The following FXYD5 variants were observed in gnomAD, a reference collection of about 807,000 sequenced individuals.
FXYD5 encodes the protein FXYD domain containing ion transport regulator 5.
A neutral mutation model predicts 25.7 loss-of-function variants in FXYD5; 21 were observed. The ratio of observed to expected loss-of-function variants is 0.82; its 90% confidence interval spans 0.58 to 1.18. FXYD5 has a LOEUF of 1.18. Ranked by LOEUF, FXYD5 falls within the 50% of genes most tolerant of loss-of-function variation. FXYD5 has a pLI of 0.00. For missense variants in FXYD5, 229 were observed against 227.7 expected (o/e 1.01, Z -0.04); for synonymous variants, 101 against 90.7 (o/e 1.11, Z -0.64).
Position 35,166,301 on chromosome 19 carries a change from A to G in FXYD5, c.463A>G (p.Ile155Val). Residue 155 changes from isoleucine to valine, a missense_variant, in exon 8 of 9, where the codon ATC becomes GTC. Transcript: ENST00000392219. The part of the protein sequence containing the change: ...RGLLVAAVLF[I>V]TGIIILTSGK... The stretch of plus-strand genomic sequence containing the variant: ...GCTGTTGGTCGCAGCTGTGCTGTTC[A>G]TCACAGGCATCATCATCCTCACCAG... 1 of 1,594,084 alleles carries G rather than the reference A, an allele frequency of 6.3e-7. No individual in the cohort carries two copies. The highest frequency in any genetic ancestry group is 1.1e-5 in the South Asian group (1 of 87,950).
chr19:35,156,515 G>C (rs2065356963), intron 2 of FXYD5, among the ~76,000 whole-genome samples: 2 of 152,114 alleles, frequency 1.3e-5, no homozygotes, highest in African/African-American at 2.4e-5. Flanking sequence ...GTTTAAACTG[G>C]GTGGTCAGGG....
intron 5 of FXYD5, among the ~76,000 whole-genome samples, chr19:35,162,296 G>T (rs2065413373): frequency 6.6e-6 from 1 of 152,210 alleles, no homozygotes; most frequent in African/African-American, 2.4e-5. Context: ...ACCTAGGAAG[G>T]AAATGGCTCA....
rs1345001093 is a variant in FXYD5, at chr19:35,160,732, A to T, written c.223A>T (p.Thr75Ser). ...AGAAACACCACAACCCCAGACCCAG[A>T]CCCAGCAACTGGAAGGAACGGATGG... ...ADETPQPQTQ[T>S]QQLEGTDGPL... The change falls in exon 5 of 9, where the codon ACC (threonine) becomes TCC (serine). Residue 75 changes from threonine to serine, a missense_variant. Transcript: ENST00000392219. 2.5e-6 allele frequency: 4 copies of T among 1,613,406 alleles called. No homozygotes were observed. The highest frequency in any genetic ancestry group is 3.4e-6 in the Non-Finnish European group (4 of 1,179,588).
rs1485928471 is a variant in FXYD5 at position 35,164,137 on chromosome 19, G to T, written c.293-19G>T. On this transcript the variant is annotated intron_variant, in intron 5 of 8. Transcript: ENST00000392219. Reference sequence around the variant, plus strand: ...CCATGGCTCACTCCTGCCCTCCACTGATCTGGCCACTCTCTCAGCTCATCC... The same window carrying T: ...CCATGGCTCACTCCTGCCCTCCACTTATCTGGCCACTCTCTCAGCTCATCC... 7 of 1,613,126 alleles carry T rather than the reference G, an allele frequency of 4.3e-6. No individual in the cohort carries two copies. Among genetic ancestry groups the T allele is most frequent in the Non-Finnish European group, 5.9e-6 (7 of 1,179,832 alleles).
intron 8 of FXYD5, among the ~76,000 whole-genome samples, chr19:35,168,476 T>C (rs12978479): frequency 0.15 from 22,673 of 152,164 alleles, 1,876 homozygotes; most frequent in East Asian, 0.28. Flanking sequence ...AGGAATGAGC[T>C]GCGCCCATTG....
intron 4 of FXYD5, 65 bp downstream of exon 4, chr19:35,158,465 T>C (rs2065377252): frequency 4.2e-6 from 4 of 960,662 alleles, no homozygotes; most frequent in Non-Finnish European, 6.8e-6. Flanking sequence ...CCTCTTCCTC[T>C]GACACTATAG....
At chr19:35,164,788 A>G (rs750254702) in intron 6 of FXYD5, among the ~76,000 whole-genome samples, 1 of 152,244 alleles carries the variant, frequency 6.6e-6, no homozygotes, top group Admixed American at 6.5e-5. Context: ...ACAGAGATAG[A>G]GTGGTGAACA....
rs554959528 is a variant in FXYD5, at chr19:35,168,564, G to A, written c.488-1002G>A. Among the ~76,000 whole-genome samples the A allele has an allele frequency of 5.3e-5, 8 of 152,264 alleles. No homozygotes were observed. The East Asian group carries it at 1.5e-3, about 29-fold the overall frequency. ...GAGAAGACGAGGCCAGAGAGCTGAG[G>A]GGCTGGAGGAGGCAAGGGTGGCAGG... On this transcript the variant is annotated intron_variant, in intron 8 of 8. Transcript: ENST00000392219.
chr19:35,158,075 G>A (rs1273095514), intron 3 of FXYD5, among the ~76,000 whole-genome samples: 1 of 152,158 alleles, frequency 6.6e-6, no homozygotes, highest in African/African-American at 2.4e-5. Context: ...TTTTTAGGCA[G>A]CACTTCTCAG....
intron 5 of FXYD5, among the ~76,000 whole-genome samples, chr19:35,161,887 C>G (rs2065409574): frequency 6.6e-6 from 1 of 152,200 alleles, no homozygotes; most frequent in African/African-American, 2.4e-5. Context: ...CAATGCCATT[C>G]CCTTTGTCGG....
At chr19:35,155,696 CGT>C (rs139141606) in intron 2 of FXYD5, 85 bp downstream of exon 2, 22,949 of 983,674 alleles carry the variant, frequency 0.023, 403 homozygotes, top group Middle Eastern at 0.042. Flanking sequence ...GTGGTTGGCC[CGT>C]GTGAACGTTG....
intron 6 of FXYD5, among the ~76,000 whole-genome samples, chr19:35,165,417 A>G (rs2065442035): frequency 6.6e-6 from 1 of 152,044 alleles, no homozygotes; most frequent in East Asian, 1.9e-4. Context: ...TGAAACTGTC[A>G]TGGTGCTGGT....
rs370793316 is a variant in FXYD5 at position 35,161,441 on chromosome 19, T to C, written c.292+640T>C. On this transcript the variant is annotated intron_variant, in intron 5 of 8. Coordinates refer to ENST00000392219, the MANE Select transcript of FXYD5 (RefSeq NM_014164.6). ...TAGTTCTAACTTTAGGTCACATACG[T>C]GGTGGCTAGAGAACAAAATCTTTCC... is the stretch of plus-strand genomic sequence containing the variant. 3.3e-5 allele frequency among the ~76,000 whole-genome samples: 5 copies of C among 152,290 alleles called. No homozygotes were observed. In the East Asian group the frequency reaches 9.6e-4, roughly 29 times the overall value.
intron 4 of FXYD5, among the ~76,000 whole-genome samples, chr19:35,160,248 G>A (rs2065392705): frequency 6.6e-6 from 1 of 152,170 alleles, no homozygotes; most frequent in South Asian, 2.1e-4. Flanking sequence ...CCCCTCCCAA[G>A]TGACTGTACC....
chr19:35,161,874 G>A (rs924021104), intron 5 of FXYD5, among the ~76,000 whole-genome samples: 2 of 152,132 alleles, frequency 1.3e-5, no homozygotes, highest in African/African-American at 4.8e-5. Context: ...ACCACCTCTC[G>A]GGCAATGCCA....
In FXYD5 at chr19:35,168,398, G is replaced by A. The variant is rs527492194; in HGVS notation, c.488-1168G>A. Among the ~76,000 whole-genome samples, 6 of 152,308 alleles carry A rather than the reference G, an allele frequency of 3.9e-5. No individual in the cohort carries two copies. In the South Asian group the frequency reaches 1.2e-3, roughly 32 times the overall value. On this transcript the variant is annotated intron_variant, in intron 8 of 8. Coordinates refer to ENST00000392219, the MANE Select transcript of FXYD5 (RefSeq NM_014164.6). ...AAGCCCTCCCTGGAGTGGTGAAATT[G>A]GAACTGATCCCTGATGATGAGATGA...
At chr19:35,161,646 C>G (rs2065407172) in intron 5 of FXYD5, among the ~76,000 whole-genome samples, 1 of 152,156 alleles carries the variant, frequency 6.6e-6, no homozygotes, top group South Asian at 2.1e-4. Context: ...CCACATAGAC[C>G]AAGAGTCAGG....
At chr19:35,157,679 C>T (rs545229664) in intron 3 of FXYD5, 178 bp downstream of exon 3, 4 of 496,528 alleles carry the variant, frequency 8.1e-6, no homozygotes, top group African/African-American at 6.0e-5. Context: ...AACCTCTCTC[C>T]ACCTCTTGGT....
At chr19:35,164,983 A>G (rs2065438226) in intron 6 of FXYD5, among the ~76,000 whole-genome samples, 1 of 152,214 alleles carries the variant, frequency 6.6e-6, no homozygotes, top group Non-Finnish European at 1.5e-5. Context: ...GGACCAGGAG[A>G]CTTTCAGATT....
Sources: allele counts gnomAD v4.1 joint callset (sites outside exome capture counted in the v4.1 genomes callset), GRCh38; gene constraint gnomAD v4.1.1; transcripts MANE v1.5; gene names NCBI Gene and HGNC (gene_info 2026-07-23, HGNC 2026-07-21).